B3GLCT: variants seen among roughly 807,000 people sequenced by gnomAD.
B3GLCT encodes the protein beta 3-glucosyltransferase.
B3GLCT carries 65 observed loss-of-function variants against 63.4 expected under a neutral mutation model. That is an observed-to-expected ratio of 1.03 (90% CI 0.84 to 1.26). B3GLCT has a LOEUF of 1.26. Ranked by LOEUF, B3GLCT falls within the 50% of genes most tolerant of loss-of-function variation. The pLI is 0.00. For missense variants in B3GLCT, 577 were observed against 604.8 expected (o/e 0.95, Z 0.48); for synonymous variants, 233 against 219.2 (o/e 1.06, Z -0.55).
chr13:31,298,164 A>G (rs879459572), intron 12 of B3GLCT, among the ~76,000 whole-genome samples: 15 of 152,212 alleles, frequency 9.9e-5, no homozygotes, highest in South Asian at 2.1e-4. Context: ...AGCTGTCGGT[A>G]TACGTTAGCC....
rs115495386 is a variant in B3GLCT at position 31,272,820 on chromosome 13, C to G, written c.661-1689C>G. On this transcript the variant is annotated intron_variant, in intron 8 of 14. Transcript: ENST00000343307. ...TATTGTCATTATTTTATGCAGTTAA[C>G]ATTTTTATTAACTCATCATATATTT... Among the ~76,000 whole-genome samples the G allele has an allele frequency of 2.9e-3, 436 of 152,180 alleles. 1 individual carries two copies. Among genetic ancestry groups the G allele is most frequent in the African/African-American group, 0.01 (421 of 41,540 alleles).
At chr13:31,290,761 C>T (rs1169454709) in intron 12 of B3GLCT, among the ~76,000 whole-genome samples, 2 of 152,182 alleles carry the variant, frequency 1.3e-5, no homozygotes, top group African/African-American at 4.8e-5. Flanking sequence ...TGGATATTAG[C>T]TCTTTGTCAG....
Position 31,261,131 on chromosome 13 carries a change from AC to A in B3GLCT, c.596+50del, listed in dbSNP as rs34409451. ...CGGGGGGCGGGAGGGGTGTGCATCAACTTTAATTTCATTGAGTACTGTAACT... is the reference window on the plus strand; with the variant it reads ...CGGGGGGCGGGAGGGGTGTGCATCAATTTAATTTCATTGAGTACTGTAACT... On this transcript the variant is annotated intron_variant, in intron 7 of 14. Transcript: ENST00000343307. 668,735 of 1,586,988 alleles carry A rather than the reference AC, an allele frequency of 0.42. 149,182 individuals carry two copies. The highest frequency in any genetic ancestry group is 0.47 in the Non-Finnish European group (540,768 of 1,158,534).
At chr13:31,263,487 C>G (rs1346088950) in intron 7 of B3GLCT, among the ~76,000 whole-genome samples, 1 of 152,164 alleles carries the variant, frequency 6.6e-6, no homozygotes, top group Non-Finnish European at 1.5e-5. Context: ...CCTCTGTCCT[C>G]TGCTTCACTG....
At chr13:31,226,189 T>C (rs1285095589) in intron 3 of B3GLCT, among the ~76,000 whole-genome samples, 5 of 152,206 alleles carry the variant, frequency 3.3e-5, no homozygotes, top group Non-Finnish European at 7.3e-5. Context: ...CTCAGTTAGC[T>C]CTGGCTTTCC....
rs926474346 is a variant in B3GLCT, at chr13:31,331,966, A to G, written c.*2298A>G. Reference sequence around the variant, plus strand: ...TAAGCCATTTCTGATGATATAGCCAAAGCAGGTTGTCTGACTATGTAGGAT... The same window carrying G: ...TAAGCCATTTCTGATGATATAGCCAGAGCAGGTTGTCTGACTATGTAGGAT... On this transcript the variant is annotated 3_prime_UTR_variant, in exon 15 of 15. Coordinates refer to ENST00000343307, the MANE Select transcript of B3GLCT (RefSeq NM_194318.4). 3.3e-5 allele frequency: 5 copies of G among 152,208 alleles called. No individual in the cohort carries two copies. Among genetic ancestry groups the G allele is most frequent in the Admixed American group, 1.3e-4 (2 of 15,284 alleles). 9.4% of individuals were successfully genotyped at this position (152,208 alleles called of 1,614,324 possible). A position where few individuals can be genotyped will look rare whatever the true frequency, so the allele number is the denominator to read the frequency against.
intron 3 of B3GLCT, among the ~76,000 whole-genome samples, chr13:31,225,635 C>A (rs923863536): frequency 6.6e-6 from 1 of 152,158 alleles, no homozygotes; most frequent in Non-Finnish European, 1.5e-5. Context: ...TAGCCTTGTC[C>A]TCGATAATAC....
rs531335034 is a variant in B3GLCT at position 31,330,201 on chromosome 13, T to C, written c.*533T>C. The stretch of plus-strand genomic sequence containing the variant: ...GTAGGAATAATACCGTATTAAGGAA[T>C]AATACTGTACATAAAACATCATGAA... On this transcript the variant is annotated 3_prime_UTR_variant, in exon 15 of 15. Coordinates refer to ENST00000343307, the MANE Select transcript of B3GLCT (RefSeq NM_194318.4). 1 of 162,132 alleles carries C rather than the reference T, an allele frequency of 6.2e-6. No homozygotes were observed. Among genetic ancestry groups the C allele is most frequent in the South Asian group, 1.7e-4 (1 of 5,812 alleles). The allele number at this position is 162,132 out of a possible 1,614,324, so 10.0% of individuals were successfully genotyped here. A position where few individuals can be genotyped will look rare whatever the true frequency, so the allele number is the denominator to read the frequency against.
intron 12 of B3GLCT, among the ~76,000 whole-genome samples, chr13:31,302,467 T>C (rs1319983566): frequency 1.4e-5 from 2 of 139,918 alleles, no homozygotes; most frequent in Non-Finnish European, 3.1e-5. Flanking sequence ...CCAGTGTGTG[T>C]GCGCACCGTG....
At chr13:31,240,312 A>G (rs1441971502) in intron 4 of B3GLCT, among the ~76,000 whole-genome samples, 1 of 152,158 alleles carries the variant, frequency 6.6e-6, no homozygotes, top group Non-Finnish European at 1.5e-5. Context: ...GAGAACTGAC[A>G]CTTCTAATTT....
chr13:31,290,056 C>T (rs759558093), intron 12 of B3GLCT, among the ~76,000 whole-genome samples: 14 of 152,092 alleles, frequency 9.2e-5, no homozygotes, highest in Non-Finnish European at 1.9e-4. Flanking sequence ...TGTGATGTTC[C>T]CCTCCCTGTG....
intron 2 of B3GLCT, among the ~76,000 whole-genome samples, chr13:31,219,129 C>G (rs1324410220): frequency 1.3e-5 from 2 of 152,034 alleles, no homozygotes; most frequent in Non-Finnish European, 2.9e-5. Context: ...CAAAACCTGG[C>G]AGAGACACAA....
intron 3 of B3GLCT, among the ~76,000 whole-genome samples, chr13:31,227,638 T>C (rs1405622868): frequency 6.6e-6 from 1 of 152,244 alleles, no homozygotes; most frequent in African/African-American, 2.4e-5. Flanking sequence ...TTATTTAGTT[T>C]TAACCAAAGA....
chr13:31,259,381 T>G (rs1240005664), intron 6 of B3GLCT, among the ~76,000 whole-genome samples: 2 of 152,100 alleles, frequency 1.3e-5, no homozygotes, highest in Non-Finnish European at 2.9e-5. Flanking sequence ...TCTTCTGGGT[T>G]GTAGATGTTG....
intron 2 of B3GLCT, among the ~76,000 whole-genome samples, chr13:31,218,453 TG>T (rs1869664530): frequency 1.3e-5 from 2 of 152,206 alleles, no homozygotes; most frequent in African/African-American, 4.8e-5. Flanking sequence ...CCCAAAGTGC[TG>T]GGATTACAGG....
intron 3 of B3GLCT, among the ~76,000 whole-genome samples, chr13:31,224,783 G>A (rs117708422): frequency 0.013 from 2,025 of 152,170 alleles, 21 homozygotes; most frequent in Non-Finnish European, 0.022. Flanking sequence ...AAATCATAAG[G>A]CTGCTTGTTA....
At chr13:31,308,457 G>T (rs1874524915) in intron 12 of B3GLCT, among the ~76,000 whole-genome samples, 2 of 151,290 alleles carry the variant, frequency 1.3e-5, no homozygotes. Context: ...GAGTCTGGCA[G>T]TCCCCCTTCT....
At chr13:31,299,254 A>G (rs923977506) in intron 12 of B3GLCT, among the ~76,000 whole-genome samples, 1 of 152,190 alleles carries the variant, frequency 6.6e-6, no homozygotes, top group African/African-American at 2.4e-5. Context: ...TACCTGTTCT[A>G]TTCATCTATC....
At chr13:31,208,628 C>G (rs537021148) in intron 1 of B3GLCT, among the ~76,000 whole-genome samples, 13 of 123,534 alleles carry the variant, frequency 1.1e-4, no homozygotes, top group Admixed American at 2.3e-4. Context: ...GGCCCCCCCC[C>G]CCCGCTCACT....
Sources: allele counts gnomAD v4.1 joint callset (sites outside exome capture counted in the v4.1 genomes callset), GRCh38; gene constraint gnomAD v4.1.1; transcripts MANE v1.5; gene names NCBI Gene and HGNC (gene_info 2026-07-23, HGNC 2026-07-21).